Variants in ITFG1 observed in about 807,000 individuals in gnomAD.
ITFG1 encodes the protein T-cell immunomodulatory protein.
ITFG1 carries 34 observed loss-of-function variants against 81.8 expected under a neutral mutation model. The ratio of observed to expected loss-of-function variants is 0.42; its 90% confidence interval spans 0.32 to 0.55. The LOEUF (loss-of-function observed/expected upper bound fraction) is 0.55, where lower values mean the gene tolerates loss of function less well. Ranked by LOEUF, ITFG1 falls within the 20% of genes least tolerant of loss-of-function variation. ITFG1 has a pLI of 0.17. For missense variants in ITFG1, 672 were observed against 755.4 expected (o/e 0.89, Z 1.29); for synonymous variants, 285 against 270.6 (o/e 1.05, Z -0.52).
rs116333248 is a variant in ITFG1 at position 47,253,915 on chromosome 16, G to A, written c.1330+4717C>T. Among the ~76,000 whole-genome samples, 556 of 152,036 alleles carry A rather than the reference G, an allele frequency of 3.7e-3. 5 individuals carry two copies. Among genetic ancestry groups the A allele is most frequent in the African/African-American group, 0.013 (544 of 41,468 alleles). ...CTGGGGTTTGGGACCCCTGCGTTAG[G>A]GTGTGCTTTAACAATAAAAACTAGA... On this transcript the variant is annotated intron_variant, in intron 12 of 17. Coordinates refer to ENST00000320640, the MANE Select transcript of ITFG1 (RefSeq NM_030790.5).
At chr16:47,426,305 G>A (rs1969020397) in intron 6 of ITFG1, 2 of 151,528 alleles carry the variant, frequency 1.3e-5, no homozygotes, top group Admixed American at 1.3e-4. Context: ...TCATACTATT[G>A]AACTAAAAGT....
At chr16:47,440,091 G>A (rs1264065163) in intron 5 of ITFG1, among the ~76,000 whole-genome samples, 5 of 152,160 alleles carry the variant, frequency 3.3e-5, no homozygotes, top group East Asian at 1.9e-4. Flanking sequence ...GACAAAGAAG[G>A]CCATTACATA....
rs190689346 is a variant in ITFG1, at chr16:47,388,188, T to C, written c.656-12248A>G. 4.4e-4 allele frequency among the ~76,000 whole-genome samples: 67 copies of C among 151,804 alleles called. 1 individual carries two copies. Among genetic ancestry groups the C allele is most frequent in the Admixed American group, 2.9e-3 (44 of 15,248 alleles). ...GGATAAGGAAAAAATGAAAAGAATCTCAAAGAAATGTGGGGCACAATTAAG... is the reference window on the plus strand; with the variant it reads ...GGATAAGGAAAAAATGAAAAGAATCCCAAAGAAATGTGGGGCACAATTAAG... On this transcript the variant is annotated intron_variant, in intron 6 of 17. Transcript: ENST00000320640.
intron 14 of ITFG1, among the ~76,000 whole-genome samples, chr16:47,189,733 G>A (rs934683808): frequency 1.3e-5 from 2 of 152,170 alleles, no homozygotes; most frequent in African/African-American, 4.8e-5. Flanking sequence ...GGAATTTTGA[G>A]TCATATGCTA....
intron 6 of ITFG1, among the ~76,000 whole-genome samples, chr16:47,405,888 G>A (rs1043992327): frequency 6.6e-6 from 1 of 152,094 alleles, no homozygotes; most frequent in African/African-American, 2.4e-5. Flanking sequence ...TCTAATAATA[G>A]ATACTTATAA....
chr16:47,171,798 T>C (rs528113797), intron 14 of ITFG1, among the ~76,000 whole-genome samples: 1 of 152,356 alleles, frequency 6.6e-6, no homozygotes, highest in Non-Finnish European at 1.5e-5. Context: ...AAGTTAACCA[T>C]TCATGCAAAG....
intron 8 of ITFG1, among the ~76,000 whole-genome samples, chr16:47,352,169 T>C (rs528495574): frequency 1.3e-5 from 2 of 152,152 alleles, no homozygotes; most frequent in African/African-American, 2.4e-5. Context: ...ATGTCCCAAA[T>C]ACCAAAAGCA....
At chr16:47,411,965 G>A (rs1968817090) in intron 6 of ITFG1, among the ~76,000 whole-genome samples, 1 of 152,154 alleles carries the variant, frequency 6.6e-6, no homozygotes, top group African/African-American at 2.4e-5. Context: ...TACATTGACT[G>A]TGAAACCCAA....
intron 14 of ITFG1, among the ~76,000 whole-genome samples, chr16:47,188,066 C>G (rs1289938820): frequency 2.1e-4 from 31 of 150,530 alleles, no homozygotes; most frequent in African/African-American, 3.4e-4. Flanking sequence ...CAGTGAGATA[C>G]CATCTCACAC....
chr16:47,365,968 T>C (rs1296632210), intron 7 of ITFG1, 99 bp from the exon 8 acceptor site: 2 of 665,522 alleles, frequency 3.0e-6, no homozygotes, highest in Non-Finnish European at 2.7e-6. Context: ...ATAAATAACT[T>C]CAGTATTTTG....
intron 3 of ITFG1, among the ~76,000 whole-genome samples, chr16:47,453,130 T>C (rs1969409763): frequency 6.6e-6 from 1 of 152,220 alleles, no homozygotes; most frequent in Non-Finnish European, 1.5e-5. Context: ...AGGCCACATA[T>C]GCAAAACTTC....
At chr16:47,257,873 A>T (rs748533945) in intron 12 of ITFG1, among the ~76,000 whole-genome samples, 3 of 152,202 alleles carry the variant, frequency 2.0e-5, no homozygotes, top group Non-Finnish European at 2.9e-5. Context: ...TCCTTGGAGA[A>T]ATGTCTGATT....
At chr16:47,169,433 T>TAA (rs1964932804) in intron 14 of ITFG1, among the ~76,000 whole-genome samples, 1 of 152,126 alleles carries the variant, frequency 6.6e-6, no homozygotes, top group Non-Finnish European at 1.5e-5. Flanking sequence ...TATTCCTAGG[T>TAA]GTTTTACTCT....
intron 9 of ITFG1, chr16:47,311,938 C>CT (rs1406032961): frequency 6.6e-6 from 1 of 152,224 alleles, no homozygotes; most frequent in Non-Finnish European, 1.5e-5. Flanking sequence ...GCTCCTGAGT[C>CT]TTTCCAAACA....
At chr16:47,366,946 C>G (rs1968185325) in intron 7 of ITFG1, among the ~76,000 whole-genome samples, 2 of 152,134 alleles carry the variant, frequency 1.3e-5, no homozygotes, top group South Asian at 4.1e-4. Flanking sequence ...GTGGATACTA[C>G]CTGGCTGTCC....
At chr16:47,366,810 G>C (rs1170791927) in intron 7 of ITFG1, among the ~76,000 whole-genome samples, 1 of 152,002 alleles carries the variant, frequency 6.6e-6, no homozygotes, top group Admixed American at 6.6e-5. Flanking sequence ...CTGTAGATCT[G>C]TCTGAGTAAA....
chr16:47,333,139 AATTCCTG>A (rs1478637778), intron 8 of ITFG1, among the ~76,000 whole-genome samples: 13 of 152,170 alleles, frequency 8.5e-5, no homozygotes, highest in African/African-American at 3.1e-4. Context: ...GGAAATTGAT[AATTCCTG>A]AATATCTACT....
intron 10 of ITFG1, among the ~76,000 whole-genome samples, chr16:47,296,028 A>G (rs966472705): frequency 6.6e-6 from 1 of 152,144 alleles, no homozygotes; most frequent in African/African-American, 2.4e-5. Context: ...CCTCCCAGGT[A>G]GCTGAGTCTA....
intron 13 of ITFG1, among the ~76,000 whole-genome samples, chr16:47,229,940 AC>A (rs1223718047): frequency 6.6e-6 from 1 of 152,180 alleles, no homozygotes; most frequent in Non-Finnish European, 1.5e-5. Context: ...TATTCACATA[AC>A]TTTTATTACA....
Sources: allele counts gnomAD v4.1 joint callset (sites outside exome capture counted in the v4.1 genomes callset), GRCh38; gene constraint gnomAD v4.1.1; transcripts MANE v1.5; gene names NCBI Gene and HGNC (gene_info 2026-07-23, HGNC 2026-07-21).